Variants in ROBO1 observed in about 807,000 individuals in gnomAD.
ROBO1 encodes roundabout homolog 1.
A neutral mutation model predicts 195.9 loss-of-function variants in ROBO1; 149 were observed. The ratio of observed to expected loss-of-function variants is 0.76; its 90% CI spans 0.67 to 0.87. The LOEUF (loss-of-function observed/expected upper bound fraction) is 0.87. Ranked by LOEUF, ROBO1 falls within the 40% of genes least tolerant of loss-of-function variation. The probability of loss-of-function intolerance (pLI) is 0.00; values close to 1 mark genes in which losing one functional copy is unlikely to be tolerated. For missense variants in ROBO1, 1,933 were observed against 2,068.3 expected (o/e 0.93, Z 1.27); for synonymous variants, 816 against 733.2 (o/e 1.11, Z -1.82).
chr3:79,380,915 G>A (rs1170917743), intron 2 of ROBO1, among the ~76,000 whole-genome samples: 1 of 152,152 alleles, frequency 6.6e-6, no homozygotes, highest in African/African-American at 2.4e-5. Context: ...TGAGTGAGAA[G>A]TATGTGGAAC....
intron 3 of ROBO1, among the ~76,000 whole-genome samples, chr3:79,069,384 T>C (rs1237452355): frequency 6.6e-6 from 1 of 151,888 alleles, no homozygotes; most frequent in African/African-American, 2.4e-5. Flanking sequence ...CCATTCTTTA[T>C]TTGTATTTAT....
chr3:79,175,948 G>A (rs2081255890), intron 2 of ROBO1, among the ~76,000 whole-genome samples: 1 of 152,110 alleles, frequency 6.6e-6, no homozygotes, highest in Non-Finnish European at 1.5e-5. Flanking sequence ...GGAAGTTCTG[G>A]CAATGTTCTG....
chr3:79,357,439 A>G (rs781497153), intron 2 of ROBO1, among the ~76,000 whole-genome samples: 20 of 152,186 alleles, frequency 1.3e-4, no homozygotes, highest in Non-Finnish European at 2.5e-4. Flanking sequence ...GAAAATCATT[A>G]TGTCAATTAA....
At chr3:78,696,679 TGTATACATAC>T (rs2081300455) in intron 8 of ROBO1, among the ~76,000 whole-genome samples, 1 of 146,656 alleles carries the variant, frequency 6.8e-6, no homozygotes, top group African/African-American at 2.5e-5. Context: ...TATATATACA[TGTATACATAC>T]ATATATATAT....
At chr3:79,383,081 T>A (rs1247416842) in intron 2 of ROBO1, among the ~76,000 whole-genome samples, 1 of 151,920 alleles carries the variant, frequency 6.6e-6, no homozygotes, top group Non-Finnish European at 1.5e-5. Flanking sequence ...AGAAAAGGAG[T>A]TACCTATTAG....
Position 79,655,333 on chromosome 3 carries a change from G to A in ROBO1, c.-50-65372C>T, listed in dbSNP as rs561551465. On this transcript the variant is annotated intron_variant, in intron 1 of 30. Transcript: ENST00000464233. ...AACAGGGACTTCGCTGATACAAATGGCATACCACTGTTAAGCACAATACTG... is the reference window on the plus strand; with the variant it reads ...AACAGGGACTTCGCTGATACAAATGACATACCACTGTTAAGCACAATACTG... 2.6e-5 allele frequency among the ~76,000 whole-genome samples: 4 copies of A among 152,012 alleles called. No homozygotes were observed. In the East Asian group the frequency reaches 7.8e-4, roughly 30 times the overall value.
intron 2 of ROBO1, among the ~76,000 whole-genome samples, chr3:79,396,849 T>C (rs1025183772): frequency 6.6e-6 from 1 of 152,162 alleles, no homozygotes; most frequent in Non-Finnish European, 1.5e-5. Context: ...GACAGGTTGA[T>C]TTTGGCTTTC....
At chr3:79,532,456 G>A (rs377454312) in intron 2 of ROBO1, among the ~76,000 whole-genome samples, 34 of 152,178 alleles carry the variant, frequency 2.2e-4, no homozygotes, top group African/African-American at 7.9e-4. Context: ...AAATGACAAG[G>A]TATGCCATCA....
chr3:78,929,370 A>G (rs1003502199), intron 4 of ROBO1, among the ~76,000 whole-genome samples: 14 of 152,278 alleles, frequency 9.2e-5, no homozygotes, highest in African/African-American at 3.4e-4. Flanking sequence ...ACCAGACAGA[A>G]AAAGAGAAAG....
chr3:78,945,679 G>C (rs1377379076), intron 3 of ROBO1, among the ~76,000 whole-genome samples: 2 of 152,158 alleles, frequency 1.3e-5, no homozygotes, highest in Admixed American at 1.3e-4. Flanking sequence ...GAATGACTTT[G>C]ACAAATTGAG....
chr3:78,679,355 G>T (rs2080829177), intron 10 of ROBO1, among the ~76,000 whole-genome samples: 1 of 152,066 alleles, frequency 6.6e-6, no homozygotes. Context: ...GAAATAAAGG[G>T]TATTCAATTA....
chr3:79,199,653 TA>T (rs1347997997), intron 2 of ROBO1, among the ~76,000 whole-genome samples: 1 of 151,726 alleles, frequency 6.6e-6, no homozygotes, highest in Non-Finnish European at 1.5e-5. Context: ...GATGCCACAG[TA>T]GTTAAAATAA....
chr3:79,104,618 T>G (rs1333821104), intron 3 of ROBO1, among the ~76,000 whole-genome samples: 1 of 151,712 alleles, frequency 6.6e-6, no homozygotes. Context: ...GCTTGCATTA[T>G]CACTCTTCAG....
chr3:78,672,096 T>A (rs1444927988), intron 10 of ROBO1, among the ~76,000 whole-genome samples: 1 of 152,196 alleles, frequency 6.6e-6, no homozygotes, highest in African/African-American at 2.4e-5. Context: ...TTTAAATCCA[T>A]CAACTAAGCA....
At chr3:79,331,533 A>G (rs1252224158) in intron 2 of ROBO1, among the ~76,000 whole-genome samples, 2 of 152,222 alleles carry the variant, frequency 1.3e-5, no homozygotes, top group South Asian at 2.1e-4. Context: ...AGCATTCTGA[A>G]TGATTTTTCT....
intron 1 of ROBO1, among the ~76,000 whole-genome samples, chr3:79,617,358 C>A (rs556733548): frequency 6.6e-5 from 10 of 152,168 alleles, no homozygotes; most frequent in African/African-American, 2.4e-4. Context: ...CTTCCTGAGA[C>A]CTCCACATTC....
intron 2 of ROBO1, among the ~76,000 whole-genome samples, chr3:79,571,197 T>G: frequency 6.6e-6 from 1 of 152,082 alleles, no homozygotes; most frequent in East Asian, 1.9e-4. Flanking sequence ...AGGCAATAAC[T>G]TGTAAACGAG....
chr3:79,616,456 G>C (rs1944822391), intron 1 of ROBO1, among the ~76,000 whole-genome samples: 1 of 152,124 alleles, frequency 6.6e-6, no homozygotes, highest in African/African-American at 2.4e-5. Flanking sequence ...AAGAGATTTA[G>C]CCCACAATAT....
intron 2 of ROBO1, among the ~76,000 whole-genome samples, chr3:79,161,636 A>G (rs1044681046): frequency 6.6e-6 from 1 of 152,162 alleles, no homozygotes; most frequent in Non-Finnish European, 1.5e-5. Flanking sequence ...TTTCACATTT[A>G]CACCATAACT....
Sources: gnomAD v4.1 joint callset for allele counts (sites outside exome capture counted in the v4.1 genomes callset) on GRCh38, gnomAD v4.1.1 for gene constraint, MANE v1.5 for transcripts, NCBI Gene and HGNC (gene_info 2026-07-23, HGNC 2026-07-21) for gene names.